ZC4H2: variants seen among roughly 807,000 people sequenced by gnomAD.
ZC4H2 encodes zinc finger C4H2-type containing, also known as zinc finger C4H2 domain-containing protein.
For synonymous variants in ZC4H2, 84 were observed against 66.3 expected (o/e 1.27, Z -1.30); for missense variants, 137 against 173.9 (o/e 0.79, Z 1.19).
intron 1 of ZC4H2, among the ~76,000 whole-genome samples, chrX:65,021,086 A>C (rs755612056): frequency 9.0e-6 from 1 of 110,712 alleles, no homozygotes; most frequent in African/African-American, 3.3e-5. Context: ...GGGAGATTTT[A>C]ACACCCCACT....
At chrX:65,007,251 T>C (rs1458592604) in intron 1 of ZC4H2, among the ~76,000 whole-genome samples, 1 of 112,786 alleles carries the variant, frequency 8.9e-6, no homozygotes, top group Non-Finnish European at 1.9e-5. Flanking sequence ...ATTCTTTGTA[T>C]GCCTTGTGAT....
intron 1 of ZC4H2, among the ~76,000 whole-genome samples, chrX:64,954,887 T>C (rs940155446): frequency 9.0e-5 from 10 of 111,561 alleles, no homozygotes; most frequent in East Asian, 2.8e-4. Flanking sequence ...ACGGTCTAAG[T>C]CAAATTACCT....
chrX:64,927,796 TAC>T (rs910304850), intron 1 of ZC4H2, among the ~76,000 whole-genome samples: 3 of 112,409 alleles, frequency 2.7e-5, no homozygotes, highest in Admixed American at 9.4e-5. Context: ...ATCTGTTGTT[TAC>T]AGACTTTTTA....
intron 1 of ZC4H2, among the ~76,000 whole-genome samples, chrX:64,924,353 T>C (rs1929337583): frequency 8.9e-6 from 1 of 112,430 alleles, no homozygotes; most frequent in African/African-American, 3.2e-5. Flanking sequence ...TTTCAATATA[T>C]ATTCAGTCAA....
intron 1 of ZC4H2, among the ~76,000 whole-genome samples, chrX:65,021,664 A>G (rs1932837467): frequency 9.0e-6 from 1 of 111,394 alleles, no homozygotes; most frequent in South Asian, 3.7e-4. Flanking sequence ...AAGACAAGAA[A>G]TAACTAAGAT....
chrX:65,025,300 C>G (rs752875637), intron 1 of ZC4H2, among the ~76,000 whole-genome samples: 1 of 109,827 alleles, frequency 9.1e-6, no homozygotes, highest in South Asian at 4.0e-4. Context: ...AGGTGATCAC[C>G]ATGTCTGGCT....
upstream of ZC4H2, among the ~76,000 whole-genome samples, chrX:64,978,938 C>T (rs1296670611): frequency 3.6e-5 from 4 of 111,537 alleles, no homozygotes; most frequent in African/African-American, 1.3e-4. Context: ...CCATTGTCCC[C>T]TTCACCTTAA....
intron 1 of ZC4H2, among the ~76,000 whole-genome samples, chrX:64,984,802 T>C (rs1932147943): frequency 8.9e-6 from 1 of 112,258 alleles, no homozygotes; most frequent in African/African-American, 3.2e-5. Flanking sequence ...AGCATCTTTG[T>C]TTGTTAAACT....
chrX:64,932,394 C>T (rs754101089), intron 1 of ZC4H2, among the ~76,000 whole-genome samples: 1 of 111,159 alleles, frequency 9.0e-6, no homozygotes, highest in African/African-American at 3.3e-5. Flanking sequence ...TACTGTTGTA[C>T]TTATCATGTA....
chrX:65,008,817 T>C (rs767141117), intron 1 of ZC4H2, among the ~76,000 whole-genome samples: 53 of 111,322 alleles, frequency 4.8e-4, no homozygotes, highest in Admixed American at 1.1e-3. Flanking sequence ...GGAAGGGTAG[T>C]GTGGAGGTTG....
chrX:65,000,266 C>A (rs1480189795), intron 1 of ZC4H2, among the ~76,000 whole-genome samples: 1 of 112,052 alleles, frequency 8.9e-6, no homozygotes, highest in Non-Finnish European at 1.9e-5. Flanking sequence ...AATCTTTGCT[C>A]TTCCGCAGCC....
intron 1 of ZC4H2, among the ~76,000 whole-genome samples, chrX:64,998,071 T>A (rs905102996): frequency 1.8e-5 from 2 of 111,391 alleles, no homozygotes; most frequent in Non-Finnish European, 3.8e-5. Flanking sequence ...AAACTGTGCA[T>A]GCAAAAAAGT....
At chrX:64,999,533 C>T (rs1337864491) in intron 1 of ZC4H2, among the ~76,000 whole-genome samples, 4 of 112,358 alleles carry the variant, frequency 3.6e-5, no homozygotes, top group Admixed American at 1.9e-4. Flanking sequence ...AGACACTGAG[C>T]TAGCTGCAAG....
upstream of ZC4H2, chrX:64,976,489 G>T: frequency 7.0e-6 from 6 of 859,710 alleles, no homozygotes; most frequent in Non-Finnish European, 1.0e-5. Flanking sequence ...AGCCTGTGCG[G>T]TAGGGGCTTG....
intron 1 of ZC4H2, among the ~76,000 whole-genome samples, chrX:64,961,222 C>T (rs181660927): frequency 2.9e-3 from 323 of 111,347 alleles, no homozygotes; most frequent in African/African-American, 9.1e-3. Flanking sequence ...TTTTAAATGA[C>T]GGTTATCTGT....
At chrX:64,940,689 T>A (rs755799547) in intron 1 of ZC4H2, among the ~76,000 whole-genome samples, 6 of 111,283 alleles carry the variant, frequency 5.4e-5, no homozygotes, top group Non-Finnish European at 1.1e-4. Flanking sequence ...GTCAGACTGG[T>A]GAAAGATCAG....
Position 64,946,068 on chromosome X carries a change from C to T in ZC4H2, c.54-24080G>A, listed in dbSNP as rs938907526. On this transcript the variant is annotated intron_variant, in intron 1 of 4. Coordinates refer to ENST00000374839, the MANE Select transcript of ZC4H2 (RefSeq NM_018684.4). ...GATCACTTGGCTTTCTGGCTTCCAC[C>T]GCCTTTCCAGAGGAGTGAACAGTTC... 3.6e-5 allele frequency among the ~76,000 whole-genome samples: 4 copies of T among 110,728 alleles called. No homozygotes were observed. In the Admixed American group the frequency reaches 3.8e-4, roughly 11 times the overall value.
chrX:64,930,888 G>C (rs1360914588), intron 1 of ZC4H2, among the ~76,000 whole-genome samples: 1 of 111,777 alleles, frequency 8.9e-6, no homozygotes. Context: ...ATGATTTAAT[G>C]AGGATTTCTT....
At chrX:65,009,071 T>A (rs920483255) in intron 1 of ZC4H2, among the ~76,000 whole-genome samples, 1 of 112,171 alleles carries the variant, frequency 8.9e-6, no homozygotes, top group Non-Finnish European at 1.9e-5. Context: ...AAACATCATA[T>A]GTACTCCATA....
Sources: allele counts gnomAD v4.1 joint callset (sites outside exome capture counted in the v4.1 genomes callset), GRCh38; gene constraint gnomAD v4.1.1; transcripts MANE v1.5; gene names NCBI Gene and HGNC (gene_info 2026-07-23, HGNC 2026-07-21).